The following RABGAP1L variants were observed in gnomAD, a reference collection of about 807,000 sequenced individuals.
RABGAP1L encodes the protein rab GTPase-activating protein 1-like.
A neutral mutation model predicts 137.7 loss-of-function variants in RABGAP1L; 63 were observed. The observed-to-expected ratio is 0.46, with a 90% CI of 0.37 to 0.56. The LOEUF (loss-of-function observed/expected upper bound fraction) is 0.56. Among genes scored for constraint, RABGAP1L ranks in the 20% least tolerant of loss-of-function variants. The pLI, the probability that RABGAP1L is intolerant of heterozygous loss-of-function variation, is 0.00. For missense variants in RABGAP1L, 1,095 were observed against 1,244.0 expected (o/e 0.88, Z 1.80); for synonymous variants, 431 against 433.7 (o/e 0.99, Z 0.08).
intron 14 of RABGAP1L, among the ~76,000 whole-genome samples, chr1:174,643,863 C>T (rs1674721920): frequency 6.6e-6 from 1 of 151,874 alleles, no homozygotes; most frequent in African/African-American, 2.4e-5. Flanking sequence ...TATATGCACA[C>T]ACATATAAAT....
At chr1:174,628,849 C>T (rs1290330118) in intron 13 of RABGAP1L, among the ~76,000 whole-genome samples, 2 of 151,980 alleles carry the variant, frequency 1.3e-5, no homozygotes, top group Non-Finnish European at 2.9e-5. Flanking sequence ...TTAGGGAGCC[C>T]GTGCATATAT....
chr1:174,759,187 A>G (rs1013279722), intron 18 of RABGAP1L, among the ~76,000 whole-genome samples: 2 of 152,036 alleles, frequency 1.3e-5, no homozygotes, highest in Admixed American at 6.6e-5. Flanking sequence ...TTGCATTCCA[A>G]TGAGAGAAAG....
chr1:174,275,839 A>G lies in RABGAP1L; in HGVS notation c.1060A>G (p.Met354Val). The change falls in exon 9 of 26, where the codon ATG becomes GTG. Residue 354 changes from methionine to valine, a missense_variant. Met to Val is a conservative substitution (Grantham distance 21). Transcript: ENST00000681986. ...SDMHLLDMES[M>V]GKSYDGRAYV... The stretch of plus-strand genomic sequence containing the variant: ...ACTGTTTGAATTTTTATAGGAATCC[A>G]TGGGAAAGAGCTATGATGGGAGAGC... 3 of 1,609,028 alleles carry G rather than the reference A, an allele frequency of 1.9e-6. No individual in the cohort carries two copies. Among genetic ancestry groups the G allele is most frequent in the Non-Finnish European group, 2.5e-6 (3 of 1,177,244 alleles).
intron 11 of RABGAP1L, among the ~76,000 whole-genome samples, chr1:174,359,724 TC>T (rs1445609852): frequency 6.6e-6 from 1 of 152,216 alleles, no homozygotes; most frequent in African/African-American, 2.4e-5. Context: ...CAGGTTGAAT[TC>T]TAACCTTTTA....
chr1:174,449,378 G>A (rs1199301616), intron 13 of RABGAP1L, among the ~76,000 whole-genome samples: 2 of 152,134 alleles, frequency 1.3e-5, no homozygotes, highest in Non-Finnish European at 2.9e-5. Context: ...AGGGAAGGAT[G>A]TATAGAGGGT....
intron 13 of RABGAP1L, among the ~76,000 whole-genome samples, chr1:174,546,955 G>A (rs924765709): frequency 6.7e-5 from 10 of 148,506 alleles, no homozygotes; most frequent in East Asian, 2.0e-4. Context: ...GCGTGAACCC[G>A]GGAGGCGGAG....
intron 13 of RABGAP1L, among the ~76,000 whole-genome samples, chr1:174,586,181 A>G (rs1259039327): frequency 6.6e-6 from 1 of 152,212 alleles, no homozygotes; most frequent in Non-Finnish European, 1.5e-5. Flanking sequence ...ACACCATTGA[A>G]TACTATGCAG....
At chr1:174,456,891 T>G (rs1656097051) in intron 13 of RABGAP1L, among the ~76,000 whole-genome samples, 3 of 152,134 alleles carry the variant, frequency 2.0e-5, no homozygotes, top group Admixed American at 2.0e-4. Flanking sequence ...AGTCCAAATT[T>G]GGATTTAATC....
intron 11 of RABGAP1L, among the ~76,000 whole-genome samples, chr1:174,363,695 G>T (rs1457400755): frequency 1.3e-5 from 2 of 151,864 alleles, no homozygotes; most frequent in African/African-American, 4.8e-5. Flanking sequence ...GTCATATTTG[G>T]CTTTTGTTAT....
intron 3 of RABGAP1L, among the ~76,000 whole-genome samples, chr1:174,223,972 A>C (rs1669973004): frequency 6.6e-6 from 1 of 152,188 alleles, no homozygotes; most frequent in Non-Finnish European, 1.5e-5. Flanking sequence ...GTAACTATGC[A>C]GTAAATAGTG....
intron 13 of RABGAP1L, among the ~76,000 whole-genome samples, chr1:174,444,441 T>C (rs1307535499): frequency 5.3e-5 from 8 of 152,060 alleles, no homozygotes; most frequent in Non-Finnish European, 1.2e-4. Flanking sequence ...GGTATCAAGA[T>C]AGTGCTGGCC....
Position 174,986,139 on chromosome 1 carries a change from A to G in RABGAP1L, c.2806-2502A>G, listed in dbSNP as rs534673002. Among the ~76,000 whole-genome samples the G allele has an allele frequency of 9.2e-5, 14 of 152,198 alleles. No individual in the cohort carries two copies. The East Asian group carries it at 2.7e-3, about 29-fold the overall frequency. On this transcript the variant is annotated intron_variant, in intron 24 of 25. Transcript: ENST00000681986. ...TTTTTAGTAGAAAAATACAAAATAC[A>G]TGGTTTCACCATGTTGGCCAGGCTG... is the stretch of plus-strand genomic sequence containing the variant.
intron 19 of RABGAP1L, among the ~76,000 whole-genome samples, chr1:174,854,661 G>GA (rs911214211): frequency 3.9e-4 from 41 of 106,290 alleles, no homozygotes; most frequent in East Asian, 2.9e-3. Context: ...CAGTGAATTT[G>GA]AAAAAAAAAC....
chr1:174,912,316 A>C (rs1236322797), intron 19 of RABGAP1L, among the ~76,000 whole-genome samples: 1 of 151,756 alleles, frequency 6.6e-6, no homozygotes, highest in East Asian at 1.9e-4. Flanking sequence ...TAACTTTTTC[A>C]TTTTTTTGTA....
chr1:174,719,260 G>C (rs332783), intron 17 of RABGAP1L, among the ~76,000 whole-genome samples: 1 of 151,882 alleles, frequency 6.6e-6, no homozygotes, highest in Admixed American at 6.6e-5. Context: ...CACTTTAAAA[G>C]ATATCTTTAA....
intron 11 of RABGAP1L, among the ~76,000 whole-genome samples, chr1:174,327,916 G>A (rs1046891921): frequency 7.0e-6 from 1 of 142,658 alleles, no homozygotes; most frequent in Non-Finnish European, 1.5e-5. Context: ...ATTATGTAAT[G>A]TTAAAGGGGA....
intron 19 of RABGAP1L, among the ~76,000 whole-genome samples, chr1:174,879,631 T>C (rs1653818432): frequency 6.6e-6 from 1 of 152,166 alleles, no homozygotes; most frequent in Non-Finnish European, 1.5e-5. Flanking sequence ...AGATTATGTG[T>C]TGATAATTAT....
chr1:174,855,558 C>T (rs1649153018), intron 19 of RABGAP1L, among the ~76,000 whole-genome samples: 1 of 152,144 alleles, frequency 6.6e-6, no homozygotes, highest in African/African-American at 2.4e-5. Context: ...TTAGAGGACT[C>T]CAGAGGGCCT....
intron 19 of RABGAP1L, among the ~76,000 whole-genome samples, chr1:174,871,190 G>A (rs1156950028): frequency 2.6e-5 from 4 of 151,922 alleles, no homozygotes; most frequent in Admixed American, 2.0e-4. Flanking sequence ...TTGAAACAGA[G>A]TCTTGCTGTG....
Sources: allele counts gnomAD v4.1 joint callset (sites outside exome capture counted in the v4.1 genomes callset), GRCh38; gene constraint gnomAD v4.1.1; transcripts MANE v1.5; gene names NCBI Gene and HGNC (gene_info 2026-07-23, HGNC 2026-07-21).